Variants in RRM2 observed in about 807,000 individuals in gnomAD.
RRM2 encodes ribonucleotide reductase regulatory subunit M2.
A neutral mutation model predicts 45.9 loss-of-function variants in RRM2; 6 were observed. The observed-to-expected ratio is 0.13, with a 90% confidence interval of 0.07 to 0.26. RRM2 has a LOEUF of 0.26. RRM2 is among the 10% of genes least tolerant of loss of function. RRM2 has a pLI of 1.00. For missense variants in RRM2, 343 were observed against 489.5 expected, an observed-to-expected ratio of 0.70 and a Z score of 2.82; for synonymous variants, 177 against 173.0, an observed-to-expected ratio of 1.02 and a Z score of -0.18.
At chr2:10,132,452 TCTG>T (rs1266174719), downstream of RRM2, among the ~76,000 whole-genome samples, 2 of 152,034 alleles carry the variant, frequency 1.3e-5, no homozygotes, top group African/African-American at 4.8e-5. Flanking sequence ...GGGACTAGTG[TCTG>T]AGGTTGTGCT....
intron 5 of RRM2, among the ~76,000 whole-genome samples, chr2:10,126,190 A>T: frequency 5.9e-5 from 1 of 16,856 alleles, no homozygotes; most frequent in Non-Finnish European, 1.5e-4. Context: ...AAAAAAAAAA[A>T]AAGCTGCCCA....
intron 3 of RRM2, among the ~76,000 whole-genome samples, chr2:10,200,428 AC>A (rs1664527673): frequency 7.2e-6 from 1 of 138,104 alleles, no homozygotes; most frequent in African/African-American, 2.7e-5. Context: ...GCCCACAGGG[AC>A]CGCGCGCGCA....
chr2:10,154,267 G>T (rs937998923), intron 3 of RRM2, among the ~76,000 whole-genome samples: 1 of 151,994 alleles, frequency 6.6e-6, no homozygotes, highest in South Asian at 2.1e-4. Flanking sequence ...TGAGGTCAGG[G>T]GTTCTAGACC....
intron 3 of RRM2, among the ~76,000 whole-genome samples, chr2:10,193,149 C>T (rs544575663): frequency 5.9e-5 from 9 of 152,224 alleles, no homozygotes; most frequent in African/African-American, 1.9e-4. Context: ...CCTCCCCCGT[C>T]GGTTCCTTGC....
chr2:10,182,954 G>A (rs1298635444), intron 3 of RRM2, among the ~76,000 whole-genome samples: 1 of 152,172 alleles, frequency 6.6e-6, no homozygotes, highest in Non-Finnish European at 1.5e-5. Flanking sequence ...GAGGTGGGAG[G>A]ACTGCTTGAG....
In RRM2 at chr2:10,195,090, T is replaced by A. The variant is rs969088291; in HGVS notation, n.483-15221T>A. ...TTAATCTAAAATTCATTCTGATCCC[T>A]TGGCCTTGGAAAAGGCACTTAGCAG... On this transcript the variant is annotated intron_variant and non_coding_transcript_variant, in intron 3 of 3. Transcript: ENST00000381786. This position sits in a 1 kb window ranked among gnomAD's most constrained non-coding sequence, Gnocchi z 4.9. Among the ~76,000 whole-genome samples, 1 of 110,932 alleles carries A rather than the reference T, an allele frequency of 9.0e-6. No individual in the cohort carries two copies. Among genetic ancestry groups the A allele is most frequent in the African/African-American group, 5.1e-5 (1 of 19,650 alleles). The allele number at this position is 110,932 out of a possible 152,430, so 72.8% of individuals were successfully genotyped here.
At chr2:10,176,874 A>G (rs1342925800) in intron 3 of RRM2, among the ~76,000 whole-genome samples, 1 of 152,122 alleles carries the variant, frequency 6.6e-6, no homozygotes, top group Non-Finnish European at 1.5e-5. Context: ...TATATTTGGG[A>G]ATGGAATTGC....
At chr2:10,174,197 C>T (rs140991119) in intron 3 of RRM2, among the ~76,000 whole-genome samples, 28 of 152,362 alleles carry the variant, frequency 1.8e-4, no homozygotes, top group East Asian at 7.7e-4. Context: ...ACACTGGGCC[C>T]TGGCTGCACC....
chr2:10,193,942 G>A (rs1230713893), intron 3 of RRM2, among the ~76,000 whole-genome samples: 1 of 152,226 alleles, frequency 6.6e-6, no homozygotes, highest in Non-Finnish European at 1.5e-5. Context: ...CTGCTCCTGG[G>A]CTGGAGCGTG....
At chr2:10,170,495 C>G (rs1264630926) in intron 3 of RRM2, among the ~76,000 whole-genome samples, 1 of 152,044 alleles carries the variant, frequency 6.6e-6, no homozygotes, top group East Asian at 1.9e-4. Context: ...GTAATGTCAG[C>G]TTTGTTTTCC....
rs1468631835 is a variant in RRM2, at chr2:10,176,922, T to A, written n.483-33389T>A. Among the ~76,000 whole-genome samples, 38 of 152,280 alleles carry A rather than the reference T, an allele frequency of 2.5e-4. No individual in the cohort carries two copies. In the East Asian group the frequency reaches 7.1e-3, roughly 29 times the overall value. On this transcript the variant is annotated intron_variant and non_coding_transcript_variant, in intron 3 of 3. Transcript: ENST00000381786. ...TAGGCAATTGTTTCACTTTAGTAGA[T>A]ATTAGGTGTAAATTTTGATGTCTTT...
chr2:10,176,558 G>A (rs1484391834), intron 3 of RRM2, among the ~76,000 whole-genome samples: 3 of 152,186 alleles, frequency 2.0e-5, no homozygotes, highest in African/African-American at 2.4e-5. Context: ...GTGAGCCATC[G>A]TCTACTTCTA....
chr2:10,138,114 C>G (rs1276030375), upstream of RRM2, among the ~76,000 whole-genome samples: 1 of 152,096 alleles, frequency 6.6e-6, no homozygotes, highest in African/African-American at 2.4e-5. Flanking sequence ...GATTTTCATG[C>G]CTCAGCCTCC....
At chr2:10,200,678 T>TATGAGGCCCACAGGGACC (rs1664546421) in intron 3 of RRM2, among the ~76,000 whole-genome samples, 1 of 105,006 alleles carries the variant, frequency 9.5e-6, no homozygotes, top group African/African-American at 5.6e-5. Context: ...CCACAGGGAC[T>TATGAGGCCCACAGGGACC]GCGCGCACAA....
chr2:10,199,793 A>ACAAAC (rs202208894), intron 3 of RRM2, among the ~76,000 whole-genome samples: 3 of 137,010 alleles, frequency 2.2e-5, no homozygotes, highest in Non-Finnish European at 3.2e-5. Context: ...AAAAAAAAAA[A>ACAAAC]AAAAAAAAAA....
chr2:10,124,391 CCACCACGCCCGGCTCTGCT>C (rs1321994326), intron 4 of RRM2, among the ~76,000 whole-genome samples: 8 of 152,204 alleles, frequency 5.3e-5, no homozygotes, highest in African/African-American at 1.9e-4. Context: ...CAGGCGTGAG[CCACCACGCCCGGCTCTGCT>C]CCCTCCTTTT....
downstream of RRM2, among the ~76,000 whole-genome samples, chr2:10,134,861 TAA>T (rs909221850): frequency 3.9e-5 from 6 of 151,980 alleles, no homozygotes; most frequent in Admixed American, 3.3e-4. Context: ...TTTGAGGAGG[TAA>T]AGACTGGTGA....
At chr2:10,122,650 T>C (rs920682690), upstream of RRM2, 16 of 1,546,624 alleles carry the variant, frequency 1.0e-5, no homozygotes, top group African/African-American at 1.4e-5. Context: ...GCACAGCCAA[T>C]GGGAAGGGCC....
chr2:10,135,263 G>A (rs1156643488), downstream of RRM2, among the ~76,000 whole-genome samples: 1 of 152,150 alleles, frequency 6.6e-6, no homozygotes, highest in Admixed American at 6.6e-5. Context: ...AGCTACTCAC[G>A]AGGCTGAGGT....
Sources: allele counts gnomAD v4.1 joint callset (sites outside exome capture counted in the v4.1 genomes callset), GRCh38; gene constraint gnomAD v4.1.1; non-coding constraint Gnocchi (gnomAD v3.1); transcripts MANE v1.5; gene names NCBI Gene and HGNC (gene_info 2026-07-23, HGNC 2026-07-21).